Variants in EPHB1 observed in about 807,000 individuals in gnomAD.
EPHB1 encodes the protein EPH receptor B1, also known as ephrin type-B receptor 1.
Under a neutral mutation model 94.4 loss-of-function variants are expected in EPHB1, and 30 were observed. The ratio of observed to expected loss-of-function variants is 0.32; its 90% CI spans 0.24 to 0.43. EPHB1 has a LOEUF of 0.43. Among genes scored for constraint, EPHB1 ranks in the 20% least tolerant of loss-of-function variants. EPHB1 has a pLI of 1.00. For synonymous variants in EPHB1, 522 were observed against 489.1 expected (o/e 1.07, Z -0.89); for missense variants, 1,055 against 1,308.3 (o/e 0.81, Z 2.99).
chr3:135,256,846 A>C (rs946226405), intron 15 of EPHB1, among the ~76,000 whole-genome samples: 2 of 151,520 alleles, frequency 1.3e-5, no homozygotes, highest in African/African-American at 2.4e-5. Context: ...CATCACTTTC[A>C]GGTACACCAA....
At chr3:135,099,322 CGG>C (rs1938941204) in intron 3 of EPHB1, among the ~76,000 whole-genome samples, 1 of 27,528 alleles carries the variant, frequency 3.6e-5, no homozygotes, top group Non-Finnish European at 8.3e-5. Flanking sequence ...GATGGATGGA[CGG>C]ATGGATGGAC....
chr3:134,852,029 CA>C (rs2036996015), intron 1 of EPHB1, among the ~76,000 whole-genome samples: 1 of 152,180 alleles, frequency 6.6e-6, no homozygotes, highest in Admixed American at 6.5e-5. Context: ...CCCAGGGCTA[CA>C]AGGGTTTAAG....
chr3:134,962,891 G>A (rs1435189165), intron 3 of EPHB1, among the ~76,000 whole-genome samples: 5 of 151,878 alleles, frequency 3.3e-5, no homozygotes, highest in African/African-American at 1.2e-4. Context: ...CTGACCAGGT[G>A]TCTACCCTCT....
At chr3:135,084,874 C>G (rs1015985481) in intron 3 of EPHB1, among the ~76,000 whole-genome samples, 2 of 152,208 alleles carry the variant, frequency 1.3e-5, no homozygotes, top group Non-Finnish European at 2.9e-5. Flanking sequence ...GTAATGAACA[C>G]TAAAATCAAG....
intron 7 of EPHB1, among the ~76,000 whole-genome samples, chr3:135,163,609 C>T (rs1941571738): frequency 6.6e-6 from 1 of 152,120 alleles, no homozygotes; most frequent in African/African-American, 2.4e-5. Context: ...GATTTATAGG[C>T]ACTCTGGCAT....
chr3:135,223,049 A>G (rs368753646), intron 12 of EPHB1, among the ~76,000 whole-genome samples: 42 of 152,228 alleles, frequency 2.8e-4, no homozygotes, highest in Admixed American at 6.5e-4. Flanking sequence ...CCAGTCAATC[A>G]CATTCAGAAA....
chr3:135,099,277 A>C (rs1179739225), intron 3 of EPHB1, among the ~76,000 whole-genome samples: 2 of 152,190 alleles, frequency 1.3e-5, no homozygotes, highest in African/African-American at 4.8e-5. Context: ...CCATCTTCAG[A>C]GAGCTTTCAA....
chr3:135,248,681 A>G (rs115001778), intron 14 of EPHB1, among the ~76,000 whole-genome samples, 172 bp downstream of exon 14: 31 of 152,248 alleles, frequency 2.0e-4, no homozygotes, highest in Non-Finnish European at 4.0e-4. Context: ...GAACATTGCA[A>G]TGATCATGAT....
intron 4 of EPHB1, among the ~76,000 whole-genome samples, chr3:135,107,419 G>T (rs1329141263): frequency 7.0e-6 from 1 of 142,974 alleles, no homozygotes; most frequent in Non-Finnish European, 1.6e-5. Context: ...TGGATAATTT[G>T]CTCCTACTCC....
intron 2 of EPHB1, among the ~76,000 whole-genome samples, chr3:134,926,678 G>A (rs1431844743): frequency 1.3e-5 from 2 of 152,182 alleles, no homozygotes; most frequent in African/African-American, 4.8e-5. Flanking sequence ...GAACCTGGAA[G>A]GGTGGCGATG....
intron 3 of EPHB1, among the ~76,000 whole-genome samples, chr3:135,057,280 C>A (rs1937376171): frequency 6.6e-6 from 1 of 152,072 alleles, no homozygotes; most frequent in Non-Finnish European, 1.5e-5. Flanking sequence ...AAGTCACAGG[C>A]CTGATGAAAG....
chr3:135,247,466 C>T (rs145367442), intron 13 of EPHB1, among the ~76,000 whole-genome samples: 6 of 152,108 alleles, frequency 3.9e-5, no homozygotes, highest in Admixed American at 2.0e-4. Flanking sequence ...TTAGCACTTG[C>T]GTCACTTACA....
At chr3:134,973,041 T>G (rs1418256797) in intron 3 of EPHB1, among the ~76,000 whole-genome samples, 1 of 152,198 alleles carries the variant, frequency 6.6e-6, no homozygotes, top group Non-Finnish European at 1.5e-5. Flanking sequence ...ACAGCCTGGA[T>G]AGGTGTTCCA....
intron 4 of EPHB1, among the ~76,000 whole-genome samples, chr3:135,129,852 G>A (rs908914490): frequency 6.6e-5 from 10 of 152,180 alleles, no homozygotes; most frequent in Non-Finnish European, 1.3e-4. Flanking sequence ...AAAACATTGT[G>A]TAGAGGCTCA....
In EPHB1 at chr3:135,218,233, A is replaced by G. The variant is rs143401823; in HGVS notation, c.2346+16544A>G. 2.6e-4 allele frequency among the ~76,000 whole-genome samples: 40 copies of G among 152,228 alleles called. No homozygotes were observed. The East Asian group carries it at 6.6e-3, about 25-fold the overall frequency. ...CCCTGGAAATTCTGCTCTAACATTA[A>G]TTAAGCTGAGAGTAAAATAATTCAA... is the stretch of plus-strand genomic sequence containing the variant. On this transcript the variant is annotated intron_variant, in intron 12 of 15. Coordinates refer to ENST00000398015, the MANE Select transcript of EPHB1 (RefSeq NM_004441.5).
At chr3:135,152,134 T>C in intron 5 of EPHB1, among the ~76,000 whole-genome samples, 1 of 152,190 alleles carries the variant, frequency 6.6e-6, no homozygotes, top group East Asian at 1.9e-4. Context: ...TGGCATGTAA[T>C]GGTCATGGGA....
chr3:135,156,062 C>A (rs1301664818), intron 6 of EPHB1, among the ~76,000 whole-genome samples: 1 of 151,898 alleles, frequency 6.6e-6, no homozygotes, highest in Non-Finnish European at 1.5e-5. Flanking sequence ...GGATTTCGGG[C>A]ATGGGAAGGT....
intron 5 of EPHB1, among the ~76,000 whole-genome samples, chr3:135,146,676 A>G (rs1941021398): frequency 6.6e-6 from 1 of 152,350 alleles, no homozygotes; most frequent in Middle Eastern, 3.4e-3. Context: ...GCTCTTTGCT[A>G]GCTTCCCCTT....
intron 3 of EPHB1, among the ~76,000 whole-genome samples, chr3:135,004,876 G>A (rs940198857): frequency 2.6e-5 from 4 of 151,902 alleles, no homozygotes; most frequent in Non-Finnish European, 4.4e-5. Flanking sequence ...TTTTTTCAAA[G>A]TTTTCAACTT....
Sources: gnomAD v4.1 joint callset for allele counts (sites outside exome capture counted in the v4.1 genomes callset) on GRCh38, gnomAD v4.1.1 for gene constraint, MANE v1.5 for transcripts, NCBI Gene and HGNC (gene_info 2026-07-23, HGNC 2026-07-21) for gene names.